The following USP6NL variants were observed in gnomAD, a reference collection of about 807,000 sequenced individuals.
USP6NL encodes the protein USP6 N-terminal-like protein.
USP6NL carries 26 observed loss-of-function variants against 61.9 expected under a neutral mutation model. The observed-to-expected ratio is 0.42, with a 90% confidence interval of 0.31 to 0.58. The LOEUF (loss-of-function observed/expected upper bound fraction) is 0.58. Ranked by LOEUF, USP6NL falls within the 20% of genes least tolerant of loss-of-function variation. USP6NL has a pLI of 0.16. For synonymous variants in USP6NL, 432 were observed against 390.1 expected, an observed-to-expected ratio of 1.11 and a Z score of -1.27; for missense variants, 1,114 against 1,034.3, an observed-to-expected ratio of 1.08 and a Z score of -1.06.
At chr10:11,550,805 C>T (rs2133487184) in intron 2 of USP6NL, among the ~76,000 whole-genome samples, 1 of 150,016 alleles carries the variant, frequency 6.7e-6, no homozygotes, top group East Asian at 2.0e-4. Flanking sequence ...AAAAAAAAAA[C>T]AGGCAAGAGA....
intron 8 of USP6NL, 62 bp downstream of exon 8, chr10:11,493,051 CTAATTT>C: frequency 7.1e-7 from 1 of 1,404,390 alleles, no homozygotes; most frequent in Non-Finnish European, 9.8e-7. Context: ...TAAAGGCATT[CTAATTT>C]TAAGTTAATA....
chr10:11,556,240 T>C (rs1327822075), intron 2 of USP6NL, among the ~76,000 whole-genome samples: 1 of 152,188 alleles, frequency 6.6e-6, no homozygotes, highest in East Asian at 1.9e-4. Flanking sequence ...TGTTATAAAT[T>C]TGAATAAGTC....
chr10:11,497,233 C>T lies in USP6NL; in HGVS notation c.384+3868G>A, dbSNP rs190762383. Among the ~76,000 whole-genome samples, 821 of 150,262 alleles carry T rather than the reference C, an allele frequency of 5.5e-3. 4 individuals are homozygous for T. The highest frequency in any genetic ancestry group is 0.01 in the Middle Eastern group (3 of 290). ...GACCATCTTGGCTAACACGGTGAAACCCCGTCTCTACTAAAAATGTGAAAA... is the reference window on the plus strand; with the variant it reads ...GACCATCTTGGCTAACACGGTGAAATCCCGTCTCTACTAAAAATGTGAAAA... On this transcript the variant is annotated intron_variant, in intron 7 of 14. Coordinates refer to ENST00000609104, the MANE Select transcript of USP6NL (RefSeq NM_014688.5).
At chr10:11,509,079 G>A (rs769843022) in intron 6 of USP6NL, among the ~76,000 whole-genome samples, 3 of 152,164 alleles carry the variant, frequency 2.0e-5, no homozygotes, top group African/African-American at 4.8e-5. Flanking sequence ...AACTAACTTA[G>A]CACAAACTCA....
Position 11,485,139 on chromosome 10 carries a change from T to C in USP6NL, c.825+30A>G. ...TCCCCTCACCTTGTATTTATAATTT[T>C]ATGACTGAGTTTTGTAAATAAATAC... On this transcript the variant is annotated intron_variant, in intron 12 of 14. Coordinates refer to ENST00000609104, the MANE Select transcript of USP6NL (RefSeq NM_014688.5). The surrounding 1 kb of genome is among the most constrained non-coding windows in gnomAD (Gnocchi z 4.8). 1 of 1,537,544 alleles carries C rather than the reference T, an allele frequency of 6.5e-7. No individual in the cohort carries two copies. The highest frequency in any genetic ancestry group is 1.3e-5 in the South Asian group (1 of 79,964).
rs1834642904 is a variant in USP6NL, at chr10:11,510,198, AT to A, written c.196-524del. Reference sequence around the variant, plus strand: ...AAGTACTAGTTGCTGCCCTAAAGAAATTTGACCAGGTGCTAAGGACAATGGA... The same window carrying A: ...AAGTACTAGTTGCTGCCCTAAAGAAATTGACCAGGTGCTAAGGACAATGGA... On this transcript the variant is annotated intron_variant, in intron 5 of 14. Coordinates refer to ENST00000609104, the MANE Select transcript of USP6NL (RefSeq NM_014688.5). The surrounding 1 kb of genome is among the most constrained non-coding windows in gnomAD (Gnocchi z 4.8). Among the ~76,000 whole-genome samples, 1 of 152,176 alleles carries A rather than the reference AT, an allele frequency of 6.6e-6. No individual in the cohort carries two copies. Among genetic ancestry groups the A allele is most frequent in the Non-Finnish European group, 1.5e-5 (1 of 68,032 alleles).
intron 6 of USP6NL, among the ~76,000 whole-genome samples, chr10:11,507,362 A>G (rs1334042144): frequency 6.6e-6 from 1 of 152,234 alleles, no homozygotes; most frequent in Non-Finnish European, 1.5e-5. Context: ...ATATTAAACA[A>G]GAGAACAGAT....
chr10:11,502,716 G>A (rs989570236), intron 6 of USP6NL, among the ~76,000 whole-genome samples: 1 of 152,210 alleles, frequency 6.6e-6, no homozygotes, highest in Non-Finnish European at 1.5e-5. Flanking sequence ...CGATCATGTG[G>A]TTGAAGGTGA....
At position 11,518,092 on chromosome 10, in the gene USP6NL, G is replaced by GT. The variant is rs1835034552; in HGVS notation, c.195+442dup. On this transcript the variant is annotated intron_variant, in intron 5 of 14. Transcript: ENST00000609104. This position sits in a 1 kb window ranked among gnomAD's most constrained non-coding sequence, Gnocchi z 5.3. ...CCCACAGAAAACGATTTTGGTTGTTGTAAGAAATTTACTAAAATCTCCTGG... is the reference window on the plus strand; with the variant it reads ...CCCACAGAAAACGATTTTGGTTGTTGTTAAGAAATTTACTAAAATCTCCTGG... 6.6e-6 allele frequency among the ~76,000 whole-genome samples: 1 copy of GT among 152,190 alleles called. No homozygotes were observed. Among genetic ancestry groups the GT allele is most frequent in the Non-Finnish European group, 1.5e-5 (1 of 68,022 alleles).
chr10:11,533,120 G>T (rs1226888301), intron 2 of USP6NL, among the ~76,000 whole-genome samples: 2 of 152,152 alleles, frequency 1.3e-5, no homozygotes, highest in African/African-American at 4.8e-5. Flanking sequence ...CTTAAGCCAG[G>T]TGTAACATTC....
chr10:11,531,696 A>T (rs1205481095), intron 2 of USP6NL, among the ~76,000 whole-genome samples: 1 of 152,036 alleles, frequency 6.6e-6, no homozygotes, highest in Admixed American at 6.5e-5. Context: ...TACATTATCC[A>T]AGCCAAATTA....
In USP6NL at chr10:11,493,238, G is replaced by A. The variant is rs762869096; in HGVS notation, c.385-10C>T. On this transcript the variant is annotated splice_polypyrimidine_tract_variant and intron_variant, in intron 7 of 14. Transcript: ENST00000609104. ...CTCTGTGTTTTAATTTCTGAAGAGA[G>A]AAAGAGAGAACAGAACAGATTTTTA... is the stretch of plus-strand genomic sequence containing the variant. 6.3e-7 allele frequency: 1 copy of A among 1,594,238 alleles called. No individual in the cohort carries two copies. Among genetic ancestry groups the A allele is most frequent in the Non-Finnish European group, 8.6e-7 (1 of 1,167,540 alleles).
intron 3 of USP6NL, 111 bp downstream of exon 3, chr10:11,527,389 G>C: frequency 2.3e-6 from 2 of 882,480 alleles, no homozygotes; most frequent in Non-Finnish European, 3.6e-6. Context: ...ATGTCCCCAT[G>C]AAGTTAAACA....
chr10:11,462,359 A>T lies in USP6NL; in HGVS notation c.*82T>A. The stretch of plus-strand genomic sequence containing the variant: ...TGTGCGAGTTGTTTACAATAGTATA[A>T]ATACTGCTTTGGCAATTATGAACAT... On this transcript the variant is annotated 3_prime_UTR_variant, in exon 15 of 15. Coordinates refer to ENST00000609104, the MANE Select transcript of USP6NL (RefSeq NM_014688.5). The T allele has an allele frequency of 2.1e-6, 3 of 1,462,738 alleles. No homozygotes were observed. The highest frequency in any genetic ancestry group is 2.7e-6 in the Non-Finnish European group (3 of 1,091,584). The allele number at this position is 1,462,738 out of a possible 1,614,324, so 90.6% of individuals were successfully genotyped here. A position where few individuals can be genotyped will look rare whatever the true frequency, so the allele number is the denominator to read the frequency against.
At position 11,562,030 on chromosome 10, in the gene USP6NL, C is replaced by T. The variant is rs939410091; in HGVS notation, c.5-34463G>A. Among the ~76,000 whole-genome samples the T allele has an allele frequency of 1.3e-5, 2 of 152,154 alleles. No homozygotes were observed. Among genetic ancestry groups the T allele is most frequent in the Admixed American group, 1.3e-4 (2 of 15,282 alleles). ...AGAAATTTGCTCATGCCTGTAATCC[C>T]AGCACTTTGTGAGGCCAAGGCAGGC... On this transcript the variant is annotated intron_variant, in intron 2 of 14. Coordinates refer to ENST00000609104, the MANE Select transcript of USP6NL (RefSeq NM_014688.5). This position sits in a 1 kb window ranked among gnomAD's most constrained non-coding sequence, Gnocchi z 4.8.
rs1181435364 is a variant in USP6NL at position 11,540,391 on chromosome 10, C to T, written c.5-12824G>A. Among the ~76,000 whole-genome samples the T allele has an allele frequency of 1.3e-5, 2 of 152,156 alleles. No homozygotes were observed. The highest frequency in any genetic ancestry group is 2.9e-5 in the Non-Finnish European group (2 of 68,010). On this transcript the variant is annotated intron_variant, in intron 2 of 14. Transcript: ENST00000609104. The surrounding 1 kb of genome is among the most constrained non-coding windows in gnomAD (Gnocchi z 5.0). ...AATCATCAAATGACACTGAACTTTA[C>T]TAAAACACTTTATCCTTTTAGTATT... is the stretch of plus-strand genomic sequence containing the variant.
In USP6NL at chr10:11,528,630, C is replaced by A. The variant is rs566628291; in HGVS notation, c.5-1063G>T. 1.3e-5 allele frequency among the ~76,000 whole-genome samples: 2 copies of A among 152,242 alleles called. No homozygotes were observed. Among genetic ancestry groups the A allele is most frequent in the African/African-American group, 4.8e-5 (2 of 41,524 alleles). ...ATCCAGACAGTCTTGACTCCACAGCCCACAATTTTAATTACTATTTTATAA... is the reference window on the plus strand; with the variant it reads ...ATCCAGACAGTCTTGACTCCACAGCACACAATTTTAATTACTATTTTATAA... On this transcript the variant is annotated intron_variant, in intron 2 of 14. Coordinates refer to ENST00000609104, the MANE Select transcript of USP6NL (RefSeq NM_014688.5). The surrounding 1 kb of genome is among the most constrained non-coding windows in gnomAD (Gnocchi z 4.6).
At chr10:11,507,442 AACAG>A (rs1310069043) in intron 6 of USP6NL, among the ~76,000 whole-genome samples, 1 of 152,232 alleles carries the variant, frequency 6.6e-6, no homozygotes. Context: ...CTAATGCTAA[AACAG>A]ACAGTTAATA....
In USP6NL at chr10:11,513,426, A is replaced by T. The variant is rs186738980; in HGVS notation, c.196-3751T>A. On this transcript the variant is annotated intron_variant, in intron 5 of 14. Coordinates refer to ENST00000609104, the MANE Select transcript of USP6NL (RefSeq NM_014688.5). The surrounding 1 kb of genome is among the most constrained non-coding windows in gnomAD (Gnocchi z 4.7). ...TGTTAACAGCCTATATGAAACTGAT[A>T]TTAAATAATTCTGTTGGCTTCATAC... is the stretch of plus-strand genomic sequence containing the variant. Among the ~76,000 whole-genome samples, 1 of 152,358 alleles carries T rather than the reference A, an allele frequency of 6.6e-6. No homozygotes were observed. Among genetic ancestry groups the T allele is most frequent in the East Asian group, 1.9e-4 (1 of 5,184 alleles).
Sources: gnomAD v4.1 joint callset for allele counts (sites outside exome capture counted in the v4.1 genomes callset) on GRCh38, gnomAD v4.1.1 for gene constraint, Gnocchi (gnomAD v3.1) non-coding constraint, MANE v1.5 for transcripts, NCBI Gene and HGNC (gene_info 2026-07-23, HGNC 2026-07-21) for gene names.